Variants in RD3 observed in about 807,000 individuals in gnomAD.
RD3 encodes RD3 regulator of GUCY2D, also known as protein RD3.
In RD3, 11 loss-of-function variants were observed where a neutral mutation model predicts 16.9. The ratio of observed to expected loss-of-function variants is 0.65; its 90% CI spans 0.41 to 1.08. The LOEUF (loss-of-function observed/expected upper bound fraction) is 1.08. Among genes scored for constraint, RD3 ranks in the 50% least tolerant of loss-of-function variants. The pLI, the probability that RD3 is intolerant of heterozygous loss-of-function variation, is 0.00. For missense variants in RD3, 274 were observed against 267.4 expected (o/e 1.02, Z -0.17); for synonymous variants, 116 against 114.8 (o/e 1.01, Z -0.07).
chr1:211,477,833 C>T lies in RD3; in HGVS notation c.*1203G>A. 2.7e-6 allele frequency: 1 copy of T among 365,296 alleles called. No individual in the cohort carries two copies. The highest frequency in any genetic ancestry group is 4.6e-5 in the Admixed American group (1 of 21,664). The allele number at this position is 365,296 out of a possible 1,614,324, so 22.6% of individuals were successfully genotyped here. A position where few individuals can be genotyped will look rare whatever the true frequency, so the allele number is the denominator to read the frequency against. ...GTGTGCTGGTAGTTGAGGGTAGACACTTCCCCACCCATCCCCCTTACACCC... is the reference window on the plus strand; with the variant it reads ...GTGTGCTGGTAGTTGAGGGTAGACATTTCCCCACCCATCCCCCTTACACCC... On this transcript the variant is annotated 3_prime_UTR_variant, in exon 3 of 3. Transcript: ENST00000680073.
Position 211,478,107 on chromosome 1 carries a change from C to G in RD3, c.*929G>C. The G allele has an allele frequency of 2.5e-6, 1 of 398,708 alleles. No homozygotes were observed. The highest frequency in any genetic ancestry group is 4.4e-6 in the Non-Finnish European group (1 of 226,114). The allele number at this position is 398,708 out of a possible 1,614,324, so 24.7% of individuals were successfully genotyped here. ...GTGACCAGCTGCAGAAAGCGGAACC[C>G]TGGAATTGAGAAACCTGGGCTCTTT... On this transcript the variant is annotated 3_prime_UTR_variant, in exon 3 of 3. Transcript: ENST00000680073.
At chr1:211,483,475 CTG>C (rs1705316226) in intron 1 of RD3, among the ~76,000 whole-genome samples, 1 of 151,678 alleles carries the variant, frequency 6.6e-6, no homozygotes, top group Non-Finnish European at 1.5e-5. Context: ...AAAAAGAAAT[CTG>C]AGAACTTTCA....
Position 211,478,992 on chromosome 1 carries a change from C to T in RD3, c.*44G>A, listed in dbSNP as rs1483915177. The T allele has an allele frequency of 2.2e-5, 33 of 1,531,216 alleles. No homozygotes were observed. Among genetic ancestry groups the T allele is most frequent in the Non-Finnish European group, 2.6e-5 (30 of 1,141,458 alleles). 94.9% of individuals were successfully genotyped at this position (1,531,216 alleles called of 1,614,324 possible). ...GCGCTCCGGTCACCGGCCTATCATT[C>T]CCCCTGCAGAAGGCTCCGCTTCTGG... On this transcript the variant is annotated 3_prime_UTR_variant, in exon 3 of 3. Transcript: ENST00000680073.
chr1:211,481,487 C>T, intron 1 of RD3, 61 bp from the exon 2 acceptor site: 2 of 1,525,598 alleles, frequency 1.3e-6, no homozygotes, highest in South Asian at 1.2e-5. Flanking sequence ...GAGTGGGGAA[C>T]CTGGGAACCC....
chr1:211,481,545 C>A lies in RD3; in HGVS notation c.-11-119G>T, dbSNP rs1705266256. On this transcript the variant is annotated intron_variant, in intron 1 of 2. Transcript: ENST00000680073. Reference sequence around the variant, plus strand: ...GACCCAGGAGAGAAGACCTGCTCTGCCCTAACAGTTGAGTGGCCTCAAGTA... The same window carrying A: ...GACCCAGGAGAGAAGACCTGCTCTGACCTAACAGTTGAGTGGCCTCAAGTA... 6 of 880,984 alleles carry A rather than the reference C, an allele frequency of 6.8e-6. No homozygotes were observed. The East Asian group carries it at 1.6e-4, about 23-fold the overall frequency. The allele number at this position is 880,984 out of a possible 1,614,324, so 54.6% of individuals were successfully genotyped here.
At chr1:211,491,448 C>T (rs912713452) in intron 1 of RD3, among the ~76,000 whole-genome samples, 1 of 152,222 alleles carries the variant, frequency 6.6e-6, no homozygotes, top group Admixed American at 6.5e-5. Flanking sequence ...GAGCTGGGTC[C>T]TCCCCGAGAG....
chr1:211,481,441 C>T lies in RD3; in HGVS notation c.-11-15G>A. On this transcript the variant is annotated splice_polypyrimidine_tract_variant and intron_variant, in intron 1 of 2. Transcript: ENST00000680073. ...AGCCCCTGGCCCTGCTGAGACAGGACAGATGTGCATCTTTCCTGGGCCCCT... is the reference window on the plus strand; with the variant it reads ...AGCCCCTGGCCCTGCTGAGACAGGATAGATGTGCATCTTTCCTGGGCCCCT... 6.2e-7 allele frequency: 1 copy of T among 1,608,554 alleles called. No homozygotes were observed. The highest frequency in any genetic ancestry group is 1.1e-5 in the South Asian group (1 of 90,832).
At chr1:211,482,871 C>G (rs980086789) in intron 1 of RD3, among the ~76,000 whole-genome samples, 1 of 151,822 alleles carries the variant, frequency 6.6e-6, no homozygotes, top group Non-Finnish European at 1.5e-5. Flanking sequence ...ACCAATGATC[C>G]CATTTCTGCT....
Position 211,478,761 on chromosome 1 carries a change from C to T in RD3, c.*275G>A, listed in dbSNP as rs1705199659. On this transcript the variant is annotated 3_prime_UTR_variant, in exon 3 of 3. Transcript: ENST00000680073. ...GGGGCAATGGTCTGTCTTCCAAAAC[C>T]TTGAATCTGCCAGTTAGGGAAGGGG... 1 of 484,122 alleles carries T rather than the reference C, an allele frequency of 2.1e-6. No homozygotes were observed. 30.0% of individuals were successfully genotyped at this position (484,122 alleles called of 1,614,324 possible).
At chr1:211,482,783 A>G (rs2102369055) in intron 1 of RD3, among the ~76,000 whole-genome samples, 1 of 152,030 alleles carries the variant, frequency 6.6e-6, no homozygotes, top group East Asian at 1.9e-4. Flanking sequence ...CCCGAGCTAA[A>G]GCCTGAAGTG....
intron 2 of RD3, 110 bp from the exon 3 acceptor site, chr1:211,479,437 A>C (rs41275366): frequency 2.1e-6 from 2 of 956,268 alleles, no homozygotes; most frequent in Non-Finnish European, 3.1e-6. Flanking sequence ...CAATTAGTCC[A>C]CTCTACTCTG....
intron 2 of RD3, among the ~76,000 whole-genome samples, chr1:211,480,836 A>G (rs1014251434): frequency 1.3e-5 from 2 of 152,256 alleles, no homozygotes. Flanking sequence ...ATCCAGGACA[A>G]TAACAATCTG....
intron 1 of RD3, among the ~76,000 whole-genome samples, chr1:211,482,370 G>T (rs780880440): frequency 3.9e-5 from 6 of 151,968 alleles, no homozygotes; most frequent in Non-Finnish European, 7.3e-5. Flanking sequence ...CTCCAGGAGA[G>T]GCAAGATTTG....
At position 211,481,178 on chromosome 1, in the gene RD3, G is replaced by A. The variant is rs1410405989; in HGVS notation, c.238C>T (p.Gln80Ter). Residue 80 changes from glutamine (Q) to a stop codon, truncating the protein, a stop_gained, in exon 2 of 3, where the codon CAG becomes TAG. Coordinates refer to ENST00000680073, the MANE Select transcript of RD3 (RefSeq NM_001164688.2). LOFTEE classifies it high-confidence loss of function. ...TYDLSPIERL[Q>*]LEDVCVKIHP... ...ATCTTAACGCAGACATCTTCCAGCT[G>A]CAACCGCTCAATGGGGCTGAGGTCA... is the stretch of plus-strand genomic sequence containing the variant. 2 of 1,614,162 alleles carry A rather than the reference G, an allele frequency of 1.2e-6. No individual in the cohort carries two copies. Among genetic ancestry groups the A allele is most frequent in the South Asian group, 1.1e-5 (1 of 91,094 alleles).
chr1:211,480,872 G>T (rs1431180402), intron 2 of RD3, among the ~76,000 whole-genome samples: 1 of 152,240 alleles, frequency 6.6e-6, no homozygotes, highest in Non-Finnish European at 1.5e-5. Context: ...AAACTCAAAA[G>T]TATTGTGTTC....
chr1:211,478,399 A>T lies in RD3; in HGVS notation c.*637T>A. The T allele has an allele frequency of 5.2e-6, 2 of 387,342 alleles. No homozygotes were observed. The highest frequency in any genetic ancestry group is 9.1e-6 in the Non-Finnish European group (2 of 219,674). 24.0% of individuals were successfully genotyped at this position (387,342 alleles called of 1,614,324 possible). ...AGGAACAGACACTATTCATGCAGGA[A>T]CAATCTCACTGTTCATGAGGAGCTG... On this transcript the variant is annotated 3_prime_UTR_variant, in exon 3 of 3. Coordinates refer to ENST00000680073, the MANE Select transcript of RD3 (RefSeq NM_001164688.2).
At chr1:211,486,656 C>G (rs1483900320) in intron 1 of RD3, among the ~76,000 whole-genome samples, 3 of 152,080 alleles carry the variant, frequency 2.0e-5, no homozygotes, top group Non-Finnish European at 4.4e-5. Flanking sequence ...CGAGACCAGC[C>G]TGGCCAACAT....
At chr1:211,484,430 TG>T (rs983326236) in intron 1 of RD3, among the ~76,000 whole-genome samples, 7 of 152,104 alleles carry the variant, frequency 4.6e-5, no homozygotes, top group African/African-American at 1.7e-4. Flanking sequence ...CTTCTTAATC[TG>T]GGTTTGAATT....
rs2102366326 is a variant in RD3, at chr1:211,479,112, T to C, written c.512A>G (p.Glu171Gly). 2.5e-6 allele frequency: 4 copies of C among 1,612,150 alleles called. No individual in the cohort carries two copies. Among genetic ancestry groups the C allele is most frequent in the Non-Finnish European group, 2.5e-6 (3 of 1,179,558 alleles). ...CGGCGGTGTGTCCCGCTCCACGTCC[T>C]CGGAGATGGTCCTGATGTCGCTGGC... ...PFASDIRTIS[E>G]DVERDTPPPL... The change falls in exon 3 of 3, where the codon GAG (glutamate) becomes GGG (glycine). Residue 171 changes from glutamate to glycine, a missense_variant. Glu to Gly is a moderately conservative substitution (Grantham distance 98). Transcript: ENST00000680073.
Sources: gnomAD v4.1 joint callset for allele counts (sites outside exome capture counted in the v4.1 genomes callset) on GRCh38, gnomAD v4.1.1 for gene constraint, MANE v1.5 for transcripts, NCBI Gene and HGNC (gene_info 2026-07-23, HGNC 2026-07-21) for gene names.